Variants in KLHL5 observed in about 807,000 individuals in gnomAD.
KLHL5 encodes the protein kelch-like protein 5.
In KLHL5, 48 loss-of-function variants were observed where a neutral mutation model predicts 77.7. The observed-to-expected ratio is 0.62, with a 90% CI of 0.49 to 0.79. KLHL5 has a LOEUF of 0.79. KLHL5 is among the 30% of genes least tolerant of loss of function. The pLI, the probability that KLHL5 is intolerant of heterozygous loss-of-function variation, is 0.00. For synonymous variants in KLHL5, 260 were observed against 297.0 expected (o/e 0.88, Z 1.28); for missense variants, 723 against 859.7 (o/e 0.84, Z 1.99).
intron 6 of KLHL5, among the ~76,000 whole-genome samples, chr4:39,099,735 C>A (rs1489557900): frequency 6.6e-6 from 1 of 152,156 alleles, no homozygotes; most frequent in Non-Finnish European, 1.5e-5. Flanking sequence ...CACTTTCTAA[C>A]CTGAATAACA....
chr4:39,104,081 T>C (rs1721840984), intron 7 of KLHL5, among the ~76,000 whole-genome samples: 1 of 151,452 alleles, frequency 6.6e-6, no homozygotes, highest in South Asian at 2.1e-4. Context: ...AGTAGAGGCT[T>C]CCCCCAAATA....
rs151089207 is a variant in KLHL5, at chr4:39,102,252, G to A, written c.1301-1035G>A. Among the ~76,000 whole-genome samples, 246 of 151,776 alleles carry A rather than the reference G, an allele frequency of 1.6e-3. 1 individual carries two copies. In the Middle Eastern group the frequency reaches 0.021, roughly 13 times the overall value. On this transcript the variant is annotated intron_variant, in intron 6 of 10. Coordinates refer to ENST00000504108, the MANE Select transcript of KLHL5 (RefSeq NM_015990.5). The stretch of plus-strand genomic sequence containing the variant: ...TGTATTAGAAGCTTAGAAGAGAGAA[G>A]TGGGTTCTAGTTGAACTCTTCACAA...
intron 1 of KLHL5, among the ~76,000 whole-genome samples, chr4:39,068,481 G>A (rs1718110860): frequency 7.0e-6 from 1 of 142,834 alleles, no homozygotes; most frequent in Non-Finnish European, 1.5e-5. Flanking sequence ...TTTCATATAG[G>A]GTTCAAGGAG....
chr4:39,137,248 A>T, the KLHL5 span, among the ~76,000 whole-genome samples: 2,863 of 152,214 alleles, frequency 0.019, 80 homozygotes, highest in African/African-American at 0.064. Flanking sequence ...AGGTAGACAG[A>T]TACAGACCAA....
intron 6 of KLHL5, 138 bp from the exon 7 acceptor site, chr4:39,103,149 C>T: frequency 1.4e-6 from 1 of 728,850 alleles, no homozygotes; most frequent in Non-Finnish European, 2.2e-6. Context: ...GAGGCTAGAT[C>T]ATGCAGGACC....
intron 1 of KLHL5, among the ~76,000 whole-genome samples, 188 bp downstream of exon 1, chr4:39,063,223 T>A (rs1021524029): frequency 2.0e-5 from 3 of 152,148 alleles, no homozygotes; most frequent in Non-Finnish European, 4.4e-5. Context: ...GTCTGTAAAA[T>A]TACAAAGACA....
At chr4:39,105,249 C>T (rs1383534664) in intron 7 of KLHL5, among the ~76,000 whole-genome samples, 1 of 151,336 alleles carries the variant, frequency 6.6e-6, no homozygotes, top group Non-Finnish European at 1.5e-5. Flanking sequence ...TGGGCTAAAG[C>T]AGTCCTCCCA....
At position 39,081,616 on chromosome 4, in the gene KLHL5, C is replaced by A. The variant is rs949129123; in HGVS notation, c.704-347C>A. On this transcript the variant is annotated intron_variant, in intron 3 of 10. Transcript: ENST00000504108. The surrounding 1 kb of genome is among the most constrained non-coding windows in gnomAD (Gnocchi z 4.3). ...CCCAGGAGTTCGATGCTGCAGTGAGCCATTGGTTACACCACTGCACTCCAG... is the reference window on the plus strand; with the variant it reads ...CCCAGGAGTTCGATGCTGCAGTGAGACATTGGTTACACCACTGCACTCCAG... 2.6e-5 allele frequency among the ~76,000 whole-genome samples: 4 copies of A among 151,604 alleles called. No homozygotes were observed. The highest frequency in any genetic ancestry group is 1.3e-4 in the Admixed American group (2 of 15,190).
In KLHL5 at chr4:39,113,006, T is replaced by A; in HGVS notation, c.1689-14T>A. The A allele has an allele frequency of 6.2e-7, 1 of 1,606,266 alleles. No individual in the cohort carries two copies. The highest frequency in any genetic ancestry group is 1.3e-5 in the African/African-American group (1 of 74,886). On this transcript the variant is annotated splice_polypyrimidine_tract_variant and intron_variant, in intron 8 of 10. Transcript: ENST00000504108. ...CACATGTCTTATTTATCATTTCATATATTCTTTTTGCAGACTTTATGCAGT... is the reference window on the plus strand; with the variant it reads ...CACATGTCTTATTTATCATTTCATAAATTCTTTTTGCAGACTTTATGCAGT...
At chr4:39,084,876 G>A (rs892597296) in intron 4 of KLHL5, among the ~76,000 whole-genome samples, 1 of 152,170 alleles carries the variant, frequency 6.6e-6, no homozygotes, top group East Asian at 1.9e-4. Flanking sequence ...ATGTACCTAC[G>A]TGATCTTTGT....
At chr4:39,132,346 C>A in the KLHL5 span, among the ~76,000 whole-genome samples, 2 of 152,166 alleles carry the variant, frequency 1.3e-5, no homozygotes, top group Non-Finnish European at 2.9e-5. Context: ...TGTTGGCTCA[C>A]TCTTGTAATC....
At chr4:39,119,642 A>T (rs1254998000) in intron 10 of KLHL5, among the ~76,000 whole-genome samples, 1 of 152,208 alleles carries the variant, frequency 6.6e-6, no homozygotes, top group Non-Finnish European at 1.5e-5. Context: ...GTTCTGACAG[A>T]TGGACATTTG....
Position 39,125,701 on chromosome 4 carries a change from G to A in KLHL5, c.*4635G>A, listed in dbSNP as rs949272017. ...GGTTGTAAGAAGCTGAGAGAAAGGA[G>A]TGGGGAGAGATTGCTAAAAAGGAGT... On this transcript the variant is annotated 3_prime_UTR_variant, in exon 11 of 11. Transcript: ENST00000504108. Among the ~76,000 whole-genome samples the A allele has an allele frequency of 3.3e-5, 5 of 152,320 alleles. No homozygotes were observed. Among genetic ancestry groups the A allele is most frequent in the Middle Eastern group, 3.4e-3 (1 of 294 alleles).
chr4:39,091,134 G>A (rs560327591), intron 5 of KLHL5, among the ~76,000 whole-genome samples: 4 of 151,648 alleles, frequency 2.6e-5, no homozygotes, highest in East Asian at 3.9e-4. Context: ...GATTACAGGC[G>A]CATGCCACTA....
chr4:39,094,236 T>C (rs900924944), intron 5 of KLHL5, among the ~76,000 whole-genome samples: 5 of 152,052 alleles, frequency 3.3e-5, no homozygotes, highest in African/African-American at 1.2e-4. Flanking sequence ...TCAGTAGATT[T>C]TCTCTCCTGC....
chr4:39,069,341 AAC>A (rs1718188124), intron 1 of KLHL5, among the ~76,000 whole-genome samples: 1 of 151,470 alleles, frequency 6.6e-6, no homozygotes, highest in South Asian at 2.1e-4. Context: ...GGTTATAATC[AAC>A]AGAGTGCAGG....
chr4:39,103,559 G>C, intron 7 of KLHL5, 48 bp downstream of exon 7: 1 of 1,460,896 alleles, frequency 6.8e-7, no homozygotes, highest in Non-Finnish European at 9.6e-7. Flanking sequence ...TAGCTCCCAC[G>C]GCACATTTAC....
chr4:39,134,838 G>A, the KLHL5 span, among the ~76,000 whole-genome samples: 5 of 152,182 alleles, frequency 3.3e-5, no homozygotes, highest in Non-Finnish European at 7.4e-5. Flanking sequence ...ATGCTGAGTG[G>A]AGCAGTCATG....
upstream of KLHL5, among the ~76,000 whole-genome samples, chr4:39,059,146 A>G (rs575239200): frequency 6.6e-6 from 1 of 152,104 alleles, no homozygotes; most frequent in East Asian, 1.9e-4. Context: ...ATTGTTGGTG[A>G]AAGTTGTCGG....
Sources: gnomAD v4.1 joint callset for allele counts (sites outside exome capture counted in the v4.1 genomes callset) on GRCh38, gnomAD v4.1.1 for gene constraint, Gnocchi (gnomAD v3.1) non-coding constraint, MANE v1.5 for transcripts, NCBI Gene and HGNC (gene_info 2026-07-23, HGNC 2026-07-21) for gene names.